NFATC3: variants seen among roughly 807,000 people sequenced by gnomAD.
NFATC3 encodes nuclear factor of activated T-cells, cytoplasmic 3.
In NFATC3, 46 loss-of-function variants were observed where a neutral mutation model predicts 98.6. The observed-to-expected ratio is 0.47, with a 90% confidence interval of 0.37 to 0.60. The LOEUF (loss-of-function observed/expected upper bound fraction) is 0.60. NFATC3 is among the 20% of genes least tolerant of loss of function. NFATC3 has a pLI of 0.00. For missense variants in NFATC3, 1,256 were observed against 1,295.5 expected (o/e 0.97, Z 0.47); for synonymous variants, 512 against 472.2 (o/e 1.08, Z -1.09).
At chr16:68,140,664 T>G (rs1386035185) in intron 3 of NFATC3, among the ~76,000 whole-genome samples, 1 of 151,966 alleles carries the variant, frequency 6.6e-6, no homozygotes, top group Non-Finnish European at 1.5e-5. Flanking sequence ...TTTTTTAAAT[T>G]GGAGATATTT....
rs1037806458 is a variant in NFATC3, at chr16:68,228,378, C to T, written c.*1907C>T. On this transcript the variant is annotated 3_prime_UTR_variant, in exon 10 of 10. Transcript: ENST00000346183. ...TTGACATTCCAGAGAAATGGCCAGA[C>T]TTGCCCCTACCCTTTTGCCCCTGGT... is the stretch of plus-strand genomic sequence containing the variant. The T allele has an allele frequency of 1.3e-5, 2 of 152,146 alleles. No individual in the cohort carries two copies. Among genetic ancestry groups the T allele is most frequent in the Admixed American group, 6.5e-5 (1 of 15,274 alleles). The allele number at this position is 152,146 out of a possible 1,614,324, so 9.4% of individuals were successfully genotyped here. A position where few individuals can be genotyped will look rare whatever the true frequency, so the allele number is the denominator to read the frequency against.
Position 68,085,744 on chromosome 16 carries a change from C to T in NFATC3, c.63C>T (p.Asp21=). The T allele has an allele frequency of 6.7e-7, 1 of 1,502,048 alleles. No homozygotes were observed. 93.0% of individuals were successfully genotyped at this position (1,502,048 alleles called of 1,614,324 possible). A position where few individuals can be genotyped will look rare whatever the true frequency, so the allele number is the denominator to read the frequency against. ...ACTTCAAACTCGTCTTTGGCGAGGA[C>T]GGGGCGCCGGCGCCGCCGCCCCCGG... ...ELDFKLVFGE[D]GAPAPPPPGS... The change falls in exon 1 of 10, where the codon GAC becomes GAT. Residue 21 remains aspartate, a synonymous_variant. Transcript: ENST00000346183.
Position 68,150,772 on chromosome 16 carries a change from G to T in NFATC3, c.1402-7097G>T, listed in dbSNP as rs904010792. Among the ~76,000 whole-genome samples the T allele has an allele frequency of 5.3e-5, 8 of 152,298 alleles. No homozygotes were observed. In the East Asian group the frequency reaches 1.5e-3, roughly 29 times the overall value. ...CACGTGTGAAGGGAGAGGCCAGATGGGGGTAATTGAATCACTGGGGTGGCT... is the reference window on the plus strand; with the variant it reads ...CACGTGTGAAGGGAGAGGCCAGATGTGGGTAATTGAATCACTGGGGTGGCT... On this transcript the variant is annotated intron_variant, in intron 3 of 9. Coordinates refer to ENST00000346183, the MANE Select transcript of NFATC3 (RefSeq NM_173165.3).
intron 9 of NFATC3, among the ~76,000 whole-genome samples, chr16:68,222,987 G>T (rs960830298): frequency 6.6e-6 from 1 of 152,152 alleles, no homozygotes; most frequent in Admixed American, 6.6e-5. Context: ...GCTGCCTTGC[G>T]TTCTTATGCC....
chr16:68,203,029 C>A (rs1270730887), intron 9 of NFATC3, among the ~76,000 whole-genome samples: 1 of 151,918 alleles, frequency 6.6e-6, no homozygotes, highest in Non-Finnish European at 1.5e-5. Context: ...CAGCCTCAAA[C>A]GTGTTTAGGA....
intron 9 of NFATC3, among the ~76,000 whole-genome samples, chr16:68,204,813 A>AT (rs931958934): frequency 1.6e-4 from 25 of 152,338 alleles, no homozygotes; most frequent in African/African-American, 5.8e-4. Flanking sequence ...GAACAAAAAG[A>AT]TTTTTTAATG....
At chr16:68,100,858 T>G (rs1384500515) in intron 1 of NFATC3, among the ~76,000 whole-genome samples, 1 of 151,792 alleles carries the variant, frequency 6.6e-6, no homozygotes, top group Non-Finnish European at 1.5e-5. Context: ...TAGATTGGGT[T>G]GTTTTCTTAT....
At chr16:68,154,037 C>G (rs975097555) in intron 3 of NFATC3, among the ~76,000 whole-genome samples, 1 of 152,136 alleles carries the variant, frequency 6.6e-6, no homozygotes, top group African/African-American at 2.4e-5. Flanking sequence ...CCACCTCAGC[C>G]TTCTAAGTAG....
At chr16:68,089,173 A>T in intron 1 of NFATC3, 1 of 985,428 alleles carries the variant, frequency 1.0e-6, no homozygotes, top group Non-Finnish European at 1.2e-6. Flanking sequence ...AAATTTCCAT[A>T]CAGTGAGAAG....
At chr16:68,095,203 T>A (rs1024356561) in intron 1 of NFATC3, among the ~76,000 whole-genome samples, 16 of 147,436 alleles carry the variant, frequency 1.1e-4, no homozygotes, top group East Asian at 1.9e-4. Context: ...TTAAAAAAAA[T>A]TTTTTTTTTT....
chr16:68,191,056 C>G lies in NFATC3; in HGVS notation c.2387C>G (p.Pro796Arg). The change falls in exon 9 of 10, where the codon CCT becomes CGT. Residue 796 changes from proline to arginine, a missense_variant. By Grantham distance (103) the Pro-to-Arg change is moderately radical (BLOSUM62 -2). Transcript: ENST00000346183. ...CAGCCTTTTCAAGTCACACCAACAC[C>G]TCCTGTGGGGTCTTCCTATCAGCCT... ...VHQPFQVTPT[P>R]PVGSSYQPMQ... The G allele has an allele frequency of 1.9e-6, 3 of 1,614,242 alleles. No individual in the cohort carries two copies. The highest frequency in any genetic ancestry group is 2.5e-6 in the Non-Finnish European group (3 of 1,180,052).
rs976076863 is a variant in NFATC3 at position 68,126,430 on chromosome 16, T to G, written c.1239-18T>G. ...ATAATAGCATGGTGACATGCATCTTTGTGTGTTTTGTTTGTAGCACATCTT... is the reference window on the plus strand; with the variant it reads ...ATAATAGCATGGTGACATGCATCTTGGTGTGTTTTGTTTGTAGCACATCTT... On this transcript the variant is annotated intron_variant, in intron 2 of 9. Coordinates refer to ENST00000346183, the MANE Select transcript of NFATC3 (RefSeq NM_173165.3). 1 of 1,597,398 alleles carries G rather than the reference T, an allele frequency of 6.3e-7. No homozygotes were observed. The highest frequency in any genetic ancestry group is 8.6e-7 in the Non-Finnish European group (1 of 1,167,988).
intron 3 of NFATC3, among the ~76,000 whole-genome samples, chr16:68,152,780 T>G (rs562275081): frequency 1.1e-4 from 16 of 152,338 alleles, no homozygotes; most frequent in African/African-American, 3.6e-4. Context: ...GATGTGAAAC[T>G]TATGTGGAAT....
At chr16:68,174,255 G>A in intron 5 of NFATC3, 119 bp from the exon 6 acceptor site, 1 of 730,760 alleles carries the variant, frequency 1.4e-6, no homozygotes, top group Non-Finnish European at 2.0e-6. Flanking sequence ...AAGCCTAAAT[G>A]AATCCCAAAA....
chr16:68,114,143 C>T (rs976265477), intron 1 of NFATC3, among the ~76,000 whole-genome samples: 2 of 152,154 alleles, frequency 1.3e-5, no homozygotes, highest in African/African-American at 4.8e-5. Flanking sequence ...GTCTGGTTTC[C>T]CGCGCAGGGT....
chr16:68,135,631 A>G (rs1479112536), intron 3 of NFATC3, among the ~76,000 whole-genome samples: 2 of 152,168 alleles, frequency 1.3e-5, no homozygotes, highest in Admixed American at 1.3e-4. Flanking sequence ...GATACCTTTT[A>G]TTGAAATTAC....
chr16:68,093,524 A>T (rs1266955798), intron 1 of NFATC3, among the ~76,000 whole-genome samples: 1 of 152,224 alleles, frequency 6.6e-6, no homozygotes, highest in Admixed American at 6.5e-5. Flanking sequence ...AACAAGAACA[A>T]CAACAACAAA....
chr16:68,179,285 T>C lies in NFATC3; in HGVS notation c.1916-2190T>C, dbSNP rs187275613. ...TTTATTAATTATTGTACCCAACACA[T>C]TTTATTATAATCAACTGTTTGCGTT... On this transcript the variant is annotated intron_variant, in intron 6 of 9. Transcript: ENST00000346183. 4.6e-3 allele frequency among the ~76,000 whole-genome samples: 704 copies of C among 152,318 alleles called. 7 individuals are homozygous for C. Among genetic ancestry groups the C allele is most frequent in the African/African-American group, 0.017 (689 of 41,564 alleles).
At chr16:68,226,314 A>T in intron 9 of NFATC3, 36 bp from the exon 10 acceptor site, 1 of 1,551,030 alleles carries the variant, frequency 6.4e-7, no homozygotes, top group Non-Finnish European at 8.7e-7. Context: ...AATCACTCAG[A>T]GGTCACTAAT....
Sources: gnomAD v4.1 joint callset for allele counts (sites outside exome capture counted in the v4.1 genomes callset) on GRCh38, gnomAD v4.1.1 for gene constraint, MANE v1.5 for transcripts, NCBI Gene and HGNC (gene_info 2026-07-23, HGNC 2026-07-21) for gene names.